FREM1: variants seen among roughly 807,000 people sequenced by gnomAD.
The protein encoded by FREM1 is FRAS1-related extracellular matrix protein 1.
In FREM1, 220 loss-of-function variants were observed where a neutral mutation model predicts 210.1. That is an observed-to-expected ratio of 1.05 (90% CI 0.94 to 1.17). The LOEUF (loss-of-function observed/expected upper bound fraction) is 1.17, where lower values mean the gene tolerates loss of function less well. Ranked by LOEUF, FREM1 falls within the 50% of genes most tolerant of loss-of-function variation. The pLI, the probability that FREM1 is intolerant of heterozygous loss-of-function variation, is 0.00. For synonymous variants in FREM1, 1,189 were observed against 980.2 expected, an observed-to-expected ratio of 1.21 and a Z score of -3.98; for missense variants, 3,454 against 2,675.5, an observed-to-expected ratio of 1.29 and a Z score of -6.42.
At chr9:14,798,683 AT>A (rs201562478) in intron 20 of FREM1, among the ~76,000 whole-genome samples, 11 of 151,908 alleles carry the variant, frequency 7.2e-5, no homozygotes, top group Admixed American at 2.6e-4. Context: ...AATAATAACA[AT>A]TTTTTTTGTG....
At chr9:14,821,821 A>G (rs2779503) in intron 13 of FREM1, among the ~76,000 whole-genome samples, 121,076 of 152,130 alleles carry the variant, frequency 0.8, 48,289 homozygotes, top group East Asian at 0.93. Flanking sequence ...TAGATCTGCC[A>G]GAGTTTCAAG....
chr9:14,844,258 C>G (rs889243321), intron 8 of FREM1, among the ~76,000 whole-genome samples: 10 of 149,926 alleles, frequency 6.7e-5, no homozygotes, highest in African/African-American at 2.2e-4. Context: ...CGGAGTCTCC[C>G]TCTGTCGCCC....
Position 14,806,816 on chromosome 9 carries a change from G to A in FREM1, c.3119C>T (p.Ser1040Leu). 1.2e-6 allele frequency: 2 copies of A among 1,604,786 alleles called. No individual in the cohort carries two copies. Among genetic ancestry groups the A allele is most frequent in the Non-Finnish European group, 1.7e-6 (2 of 1,174,574 alleles). Residue 1040 changes from serine (S) to leucine (L), a missense_variant, in exon 18 of 37, where the codon TCA (serine) becomes TTA (leucine). Physicochemically the swap from Ser to Leu is moderately radical, Grantham distance 145. Transcript: ENST00000380880. ...CAAATGGTTAACAGTAAGGGCTGTT[G>A]AGCAGCCCTCATCTACAACAAACAC... ...GPVFVVDEGC[S>L]TALTVNHLSA...
intron 27 of FREM1, among the ~76,000 whole-genome samples, chr9:14,768,954 A>G (rs1847009027): frequency 6.6e-6 from 1 of 152,064 alleles, no homozygotes. Context: ...ACAAACAAAC[A>G]AAATGAACAA....
intron 19 of FREM1, among the ~76,000 whole-genome samples, chr9:14,803,990 T>TTA (rs1588083788): frequency 6.6e-6 from 1 of 152,268 alleles, no homozygotes. Flanking sequence ...TTCTTGCAGA[T>TTA]TGAATAGATT....
At chr9:14,767,396 C>A (rs546133585) in intron 27 of FREM1, among the ~76,000 whole-genome samples, 1 of 152,202 alleles carries the variant, frequency 6.6e-6, no homozygotes, top group Admixed American at 6.5e-5. Flanking sequence ...TTAAAATGGG[C>A]AAGAAGTTCT....
intron 1 of FREM1, among the ~76,000 whole-genome samples, chr9:14,886,377 TCC>T (rs1835807687): frequency 1.2e-5 from 1 of 80,544 alleles, no homozygotes; most frequent in East Asian, 4.5e-4. Context: ...AGAGTGAGAC[TCC>T]GACTCAAAAA....
chr9:14,870,450 G>T (rs1832412550), intron 1 of FREM1, among the ~76,000 whole-genome samples: 1 of 152,096 alleles, frequency 6.6e-6, no homozygotes. Flanking sequence ...GGGCAAGAAT[G>T]CACATCTGGT....
intron 27 of FREM1, among the ~76,000 whole-genome samples, chr9:14,760,659 A>C (rs79702127): frequency 0.062 from 9,368 of 152,210 alleles, 379 homozygotes; most frequent in Non-Finnish European, 0.081. Flanking sequence ...GAGGTTAAGT[A>C]ACTAACTTAA....
In FREM1 at chr9:14,746,371, G is replaced by T. The variant is rs374421259; in HGVS notation, c.6236C>A (p.Ala2079Asp). ...GCCTTACTGTTCCCTGCAAGCTTGG[G>T]CAGCCGCATTCCAGGTGCCTTTCTG... ...TEQKGTWNAA[A>D]QACREQYLGN... The change falls in exon 35 of 37, where the codon GCC becomes GAC. Residue 2079 changes from alanine to aspartate, a missense_variant. Coordinates refer to ENST00000380880, the MANE Select transcript of FREM1 (RefSeq NM_001379081.2). 3 of 1,613,368 alleles carry T rather than the reference G, an allele frequency of 1.9e-6. No homozygotes were observed. Among genetic ancestry groups the T allele is most frequent in the Non-Finnish European group, 2.5e-6 (3 of 1,179,480 alleles).
rs201413269 is a variant in FREM1 at position 14,805,193 on chromosome 9, T to A, written c.3275-41A>T. ...ATGGAACAGATAAATAAAAAAAAAATTTTTCCAAGTTATTGGTCCTTAATC... is the reference window on the plus strand; with the variant it reads ...ATGGAACAGATAAATAAAAAAAAAAATTTTCCAAGTTATTGGTCCTTAATC... On this transcript the variant is annotated intron_variant, in intron 18 of 36. Transcript: ENST00000380880. 885 of 1,219,320 alleles carry A rather than the reference T, an allele frequency of 7.3e-4. 1 individual carries two copies. Among genetic ancestry groups the A allele is most frequent in the South Asian group, 1.3e-3 (60 of 47,476 alleles). The allele number at this position is 1,219,320 out of a possible 1,614,324, so 75.5% of individuals were successfully genotyped here. A position where few individuals can be genotyped will look rare whatever the true frequency, so the allele number is the denominator to read the frequency against.
intron 35 of FREM1, among the ~76,000 whole-genome samples, chr9:14,743,915 T>C (rs1248155864): frequency 2.0e-5 from 3 of 152,140 alleles, no homozygotes; most frequent in African/African-American, 7.2e-5. Context: ...CTACTGGAGC[T>C]TTCAGTGCAT....
intron 20 of FREM1, among the ~76,000 whole-genome samples, chr9:14,800,283 T>C (rs1279575288): frequency 1.3e-5 from 2 of 152,080 alleles, no homozygotes; most frequent in African/African-American, 2.4e-5. Context: ...AGGCACAGCC[T>C]TGGCTAGCCT....
At chr9:14,792,524 G>C (rs936941475) in intron 22 of FREM1, among the ~76,000 whole-genome samples, 2 of 152,316 alleles carry the variant, frequency 1.3e-5, no homozygotes, top group Admixed American at 1.3e-4. Flanking sequence ...TCCTACGGGA[G>C]AGGGAGCAAT....
chr9:14,774,995 G>A (rs1485674720), intron 25 of FREM1, among the ~76,000 whole-genome samples: 1 of 152,178 alleles, frequency 6.6e-6, no homozygotes, highest in East Asian at 1.9e-4. Flanking sequence ...TAAAGGAACT[G>A]CAATTGCTGC....
chr9:14,835,549 G>T (rs770975003), intron 10 of FREM1, among the ~76,000 whole-genome samples: 1 of 152,240 alleles, frequency 6.6e-6, no homozygotes, highest in Non-Finnish European at 1.5e-5. Context: ...CCTAACCTGT[G>T]GTCAGTGAAG....
intron 21 of FREM1, 81 bp downstream of exon 21, chr9:14,797,415 GAC>G (rs144830277): frequency 2.0e-4 from 220 of 1,103,256 alleles, no homozygotes; most frequent in South Asian, 5.7e-4. Flanking sequence ...TTCTTTGGGA[GAC>G]ACACACACAC....
intron 24 of FREM1, among the ~76,000 whole-genome samples, chr9:14,783,336 AG>A (rs1849920350): frequency 6.6e-6 from 1 of 152,206 alleles, no homozygotes; most frequent in South Asian, 2.1e-4. Flanking sequence ...GATACTTGAT[AG>A]TTTATGGGAA....
In FREM1 at chr9:14,868,971, A is replaced by G; in HGVS notation, c.7T>C (p.Ser3Pro). 1 of 1,572,458 alleles carries G rather than the reference A, an allele frequency of 6.4e-7. No homozygotes were observed. Among genetic ancestry groups the G allele is most frequent in the Non-Finnish European group, 8.6e-7 (1 of 1,161,920 alleles). The change falls in exon 2 of 37, where the codon TCT (serine) becomes CCT (proline). Residue 3 changes from serine to proline, a missense_variant. Transcript: ENST00000380880. MN[S>P]LSWGAANAVL... The stretch of plus-strand genomic sequence containing the variant: ...GCATTCGCAGCCCCCCAACTCAGAG[A>G]GTTCATGCTGACAGGGCCCAACTCT...
Sources: allele counts gnomAD v4.1 joint callset (sites outside exome capture counted in the v4.1 genomes callset), GRCh38; gene constraint gnomAD v4.1.1; transcripts MANE v1.5; gene names NCBI Gene and HGNC (gene_info 2026-07-23, HGNC 2026-07-21).